TSHZ3: variants seen among roughly 807,000 people sequenced by gnomAD.
The protein encoded by TSHZ3 is teashirt homolog 3.
Under a neutral mutation model 64.5 loss-of-function variants are expected in TSHZ3, and 10 were observed. The ratio of observed to expected loss-of-function variants is 0.16; its 90% CI spans 0.10 to 0.26. TSHZ3 has a LOEUF of 0.26. Ranked by LOEUF, TSHZ3 falls within the 10% of genes least tolerant of loss-of-function variation. The probability of loss-of-function intolerance (pLI) is 1.00; values close to 1 mark genes in which losing one functional copy is unlikely to be tolerated. For missense variants in TSHZ3, 1,242 were observed against 1,421.7 expected (o/e 0.87, Z 2.03); for synonymous variants, 608 against 593.1 (o/e 1.03, Z -0.36).
chr19:31,301,212 G>A (rs889952010), intron 1 of TSHZ3, among the ~76,000 whole-genome samples: 7 of 152,020 alleles, frequency 4.6e-5, no homozygotes, highest in East Asian at 1.9e-4. Context: ...GCAAAGAAGC[G>A]GGTGGTGCAG....
chr19:31,214,909 GAA>G (rs950173415), intron 4 of TSHZ3, among the ~76,000 whole-genome samples: 2 of 41,858 alleles, frequency 4.8e-5, no homozygotes. Flanking sequence ...CTCTGTCTCA[GAA>G]AAAAAAAAAA....
At chr19:31,318,214 C>A (rs913378707) in intron 1 of TSHZ3, among the ~76,000 whole-genome samples, 1 of 152,038 alleles carries the variant, frequency 6.6e-6, no homozygotes, top group African/African-American at 2.4e-5. Flanking sequence ...CTTATTCATT[C>A]TTTGATATTG....
At chr19:31,200,761 A>G (rs546360535) in intron 5 of TSHZ3, among the ~76,000 whole-genome samples, 1 of 152,312 alleles carries the variant, frequency 6.6e-6, no homozygotes, top group South Asian at 2.1e-4. Context: ...AGGTTTATCA[A>G]TTGTAACAAA....
intron 4 of TSHZ3, among the ~76,000 whole-genome samples, chr19:31,209,629 C>G (rs772999370): frequency 6.6e-6 from 1 of 152,112 alleles, no homozygotes; most frequent in Non-Finnish European, 1.5e-5. Flanking sequence ...CGTTGTTAAG[C>G]GTTTGGTCAT....
At chr19:31,162,226 G>A (rs183973513) in intron 5 of TSHZ3, among the ~76,000 whole-genome samples, 32 of 151,992 alleles carry the variant, frequency 2.1e-4, no homozygotes, top group African/African-American at 7.2e-4. Flanking sequence ...CCCACAGTAG[G>A]TACTCAGTAC....
At chr19:31,333,419 C>T (rs1438944770) in intron 1 of TSHZ3, among the ~76,000 whole-genome samples, 1 of 152,116 alleles carries the variant, frequency 6.6e-6, no homozygotes, top group East Asian at 1.9e-4. Context: ...AGTCAATTTA[C>T]AAAAACCAGA....
At chr19:31,237,986 T>A (rs1975641553) in intron 3 of TSHZ3, among the ~76,000 whole-genome samples, 2 of 152,210 alleles carry the variant, frequency 1.3e-5, no homozygotes, top group Non-Finnish European at 2.9e-5. Flanking sequence ...TGTTATTAAT[T>A]TTGCTGATAT....
chr19:31,237,167 A>C (rs184824490), intron 3 of TSHZ3, among the ~76,000 whole-genome samples: 1 of 152,272 alleles, frequency 6.6e-6, no homozygotes, highest in African/African-American at 2.4e-5. Context: ...AAACAAACAA[A>C]AAACAATCAA....
At chr19:31,348,812 G>A (rs983321167) in intron 1 of TSHZ3, 3 of 229,338 alleles carry the variant, frequency 1.3e-5, no homozygotes, top group Non-Finnish European at 2.5e-5. Flanking sequence ...CCGCTCGGAG[G>A]ACGCGGAAGA....
chr19:31,167,392 A>T (rs1974469388), intron 5 of TSHZ3: 2 of 152,192 alleles, frequency 1.3e-5, no homozygotes, highest in Admixed American at 1.3e-4. Flanking sequence ...AAGCCCCCTC[A>T]CTTTAAAAAT....
upstream of TSHZ3, chr19:31,349,538 G>T: frequency 3.3e-6 from 1 of 298,800 alleles, no homozygotes; most frequent in Non-Finnish European, 6.1e-6. Flanking sequence ...GCTGCCGGCG[G>T]AATGGGAAGT....
chr19:31,240,744 T>A (rs960432413), intron 3 of TSHZ3, among the ~76,000 whole-genome samples: 1 of 152,166 alleles, frequency 6.6e-6, no homozygotes, highest in African/African-American at 2.4e-5. Context: ...TGAAAAATGC[T>A]ATTGATTTAT....
At chr19:31,284,262 C>T (rs996040145) in intron 1 of TSHZ3, among the ~76,000 whole-genome samples, 1 of 151,874 alleles carries the variant, frequency 6.6e-6, no homozygotes, top group South Asian at 2.1e-4. Flanking sequence ...AACAGGATCC[C>T]CCATTCTCTC....
At chr19:31,177,681 C>G (rs746930911) in intron 5 of TSHZ3, among the ~76,000 whole-genome samples, 1 of 152,222 alleles carries the variant, frequency 6.6e-6, no homozygotes, top group Non-Finnish European at 1.5e-5. Flanking sequence ...ATAAGTTCTG[C>G]GCGCTGGGAA....
intron 3 of TSHZ3, among the ~76,000 whole-genome samples, chr19:31,232,551 G>T (rs1318494431): frequency 1.3e-5 from 2 of 152,170 alleles, no homozygotes; most frequent in African/African-American, 4.8e-5. Flanking sequence ...AATCAACATT[G>T]TGCAGGTTTA....
chr19:31,283,883 T>C (rs1430660647), intron 1 of TSHZ3, among the ~76,000 whole-genome samples: 1 of 152,144 alleles, frequency 6.6e-6, no homozygotes, highest in Non-Finnish European at 1.5e-5. Context: ...GAGGAAAGAC[T>C]GGGTGTTCCC....
At chr19:31,239,757 A>G (rs1975665236) in intron 3 of TSHZ3, among the ~76,000 whole-genome samples, 1 of 151,702 alleles carries the variant, frequency 6.6e-6, no homozygotes, top group Non-Finnish European at 1.5e-5. Flanking sequence ...TTAAAAAAAA[A>G]CAAATTGTGG....
chr19:31,157,758 T>C (rs7351085), intron 5 of TSHZ3, among the ~76,000 whole-genome samples: 39,960 of 152,128 alleles, frequency 0.26, 6,474 homozygotes, highest in Non-Finnish European at 0.38. Context: ...GGACTGGGGC[T>C]GAAGGGAATC....
At chr19:31,170,400 C>G (rs1458137051) in intron 5 of TSHZ3, among the ~76,000 whole-genome samples, 5 of 152,150 alleles carry the variant, frequency 3.3e-5, no homozygotes, top group Admixed American at 3.3e-4. Flanking sequence ...CACAAAGGTC[C>G]CATTCTCCAA....
Sources: allele counts gnomAD v4.1 joint callset (sites outside exome capture counted in the v4.1 genomes callset), GRCh38; gene constraint gnomAD v4.1.1; transcripts MANE v1.5; gene names NCBI Gene and HGNC (gene_info 2026-07-23, HGNC 2026-07-21).